The following SDK2 variants were observed in gnomAD, a reference collection of about 807,000 sequenced individuals.
The protein encoded by SDK2 is protein sidekick-2.
Under a neutral mutation model 253.9 loss-of-function variants are expected in SDK2, and 105 were observed. That is an observed-to-expected ratio of 0.41 (90% CI 0.35 to 0.49). The LOEUF is 0.49. SDK2 is among the 20% of genes least tolerant of loss of function. The probability of loss-of-function intolerance (pLI) is 0.06; values close to 1 mark genes in which losing one functional copy is unlikely to be tolerated. For missense variants in SDK2, 2,608 were observed against 3,003.0 expected (o/e 0.87, Z 3.07); for synonymous variants, 1,249 against 1,234.9 (o/e 1.01, Z -0.24).
At chr17:73,466,726 C>CA (rs1181201949) in intron 3 of SDK2, among the ~76,000 whole-genome samples, 1 of 143,512 alleles carries the variant, frequency 7.0e-6, no homozygotes, top group Non-Finnish European at 1.5e-5. Context: ...CCCCCCCCCC[C>CA]CGGCTTAGGC....
At chr17:73,537,648 CGTGCCCAGCCTGGGAT>C (rs2044800077) in intron 1 of SDK2, among the ~76,000 whole-genome samples, 2 of 151,854 alleles carry the variant, frequency 1.3e-5, no homozygotes, top group African/African-American at 4.8e-5. Flanking sequence ...TGGGTGGGGA[CGTGCCCAGCCTGGGAT>C]GTAGGAGGAG....
intron 1 of SDK2, among the ~76,000 whole-genome samples, chr17:73,556,004 G>A (rs2045138281): frequency 6.6e-6 from 1 of 152,150 alleles, no homozygotes; most frequent in Non-Finnish European, 1.5e-5. Context: ...AGCTTCTGGG[G>A]TTTCCAGGGA....
rs1178688821 is a variant in SDK2, at chr17:73,496,297, G to A, written c.224+11141C>T. Among the ~76,000 whole-genome samples the A allele has an allele frequency of 2.6e-5, 4 of 152,188 alleles. No homozygotes were observed. The highest frequency in any genetic ancestry group is 7.2e-5 in the African/African-American group (3 of 41,440). ...TTCCCATTTCCCAGACTAGGCAACC[G>A]AGGCAGGGATTAGGCAGTTTGCTCA... On this transcript the variant is annotated intron_variant, in intron 2 of 44. Transcript: ENST00000392650. This position sits in a 1 kb window ranked among gnomAD's most constrained non-coding sequence, Gnocchi z 4.7.
chr17:73,539,328 G>A (rs2044828347), intron 1 of SDK2, among the ~76,000 whole-genome samples: 1 of 152,216 alleles, frequency 6.6e-6, no homozygotes, highest in Admixed American at 6.5e-5. Context: ...TCAAAGGGAA[G>A]TGAAGTCTGT....
intron 12 of SDK2, among the ~76,000 whole-genome samples, chr17:73,427,382 C>T (rs980605365): frequency 2.0e-5 from 3 of 152,168 alleles, no homozygotes; most frequent in Admixed American, 1.3e-4. Flanking sequence ...AGAACACAGA[C>T]ATGCCCATCT....
Position 73,350,748 on chromosome 17 carries a change from A to G in SDK2, c.5801T>C (p.Val1934Ala). ...NPFYEEWWFL[V>A]VIALVGLIFI... ...GATGAGGCCGACCAGGGCAATGACC[A>G]CCAAGAACCACCACTCCTCATAGAA... Residue 1934 changes from valine to alanine, a missense_variant, in exon 42 of 45, where the codon GTG becomes GCG. By Grantham distance (64) the Val-to-Ala change is moderately conservative. This residue lies in a region of SDK2 where 1,103 missense variants were observed against 1,143.9 expected (regional missense o/e 0.96). Coordinates refer to ENST00000392650, the MANE Select transcript of SDK2 (RefSeq NM_001144952.2). 6.2e-7 allele frequency: 1 copy of G among 1,613,386 alleles called. No individual in the cohort carries two copies. The highest frequency in any genetic ancestry group is 1.1e-5 in the South Asian group (1 of 91,052).
At chr17:73,482,075 G>T (rs143538845) in intron 2 of SDK2, among the ~76,000 whole-genome samples, 201 of 152,280 alleles carry the variant, frequency 1.3e-3, no homozygotes, top group African/African-American at 4.3e-3. Flanking sequence ...AGGAGTTCAA[G>T]ACCAGCCTGG....
rs1296900683 is a variant in SDK2, at chr17:73,419,276, G to A, written c.2076C>T (p.Ala692=). ...RVSLPEEPPT[A]PPQNVIASGR... ...CGCTGGCGATGACGTTCTGTGGAGGGGCCGTGGGGGGCTCCTCGGGGAGGG... is the reference window on the plus strand; with the variant it reads ...CGCTGGCGATGACGTTCTGTGGAGGAGCCGTGGGGGGCTCCTCGGGGAGGG... Residue 692 remains alanine (A), a synonymous_variant, in exon 16 of 45, where the codon GCC becomes GCT. Coordinates refer to ENST00000392650, the MANE Select transcript of SDK2 (RefSeq NM_001144952.2). 3 of 1,612,836 alleles carry A rather than the reference G, an allele frequency of 1.9e-6. No individual in the cohort carries two copies. The highest frequency in any genetic ancestry group is 1.1e-5 in the South Asian group (1 of 90,756).
chr17:73,340,734 G>GTTTTTTTTTTTTTTTTTTTTTT (rs10638504), intron 44 of SDK2, among the ~76,000 whole-genome samples: 1 of 77,550 alleles, frequency 1.3e-5, no homozygotes, highest in Admixed American at 2.1e-4. Context: ...AAACCTTAAA[G>GTTTTTTTTTTTTTTTTTTTTTT]TTTTTTTTTT....
intron 27 of SDK2, among the ~76,000 whole-genome samples, 165 bp downstream of exon 27, chr17:73,393,395 C>T (rs147992102): frequency 7.2e-5 from 11 of 152,288 alleles, no homozygotes; most frequent in African/African-American, 2.6e-4. Flanking sequence ...ATTAGCATCC[C>T]CTGCAGTGGG....
chr17:73,602,034 G>A (rs112454574), intron 1 of SDK2, among the ~76,000 whole-genome samples: 2,181 of 152,322 alleles, frequency 0.014, 46 homozygotes, highest in African/African-American at 0.049. Flanking sequence ...GTGAGCCGCC[G>A]CGCCCAGCCC....
intron 4 of SDK2, among the ~76,000 whole-genome samples, chr17:73,451,116 CGATCCTCATG>C (rs2063487296): frequency 6.6e-6 from 1 of 152,222 alleles, no homozygotes; most frequent in Non-Finnish European, 1.5e-5. Context: ...GCCTCCTGCG[CGATCCTCATG>C]TCTGCCCCCT....
At chr17:73,476,736 A>G (rs977967955) in intron 2 of SDK2, among the ~76,000 whole-genome samples, 2 of 152,146 alleles carry the variant, frequency 1.3e-5, no homozygotes, top group Admixed American at 1.3e-4. Flanking sequence ...TCCTGCCTCA[A>G]CCTTCCAAGT....
At chr17:73,373,441 G>A (rs1278922350) in intron 36 of SDK2, among the ~76,000 whole-genome samples, 1 of 152,136 alleles carries the variant, frequency 6.6e-6, no homozygotes, top group East Asian at 1.9e-4. Flanking sequence ...CTTCCATACC[G>A]TTATCCATAA....
intron 32 of SDK2, among the ~76,000 whole-genome samples, chr17:73,384,942 C>T (rs1022905251): frequency 3.3e-5 from 5 of 152,252 alleles, no homozygotes; most frequent in Non-Finnish European, 7.3e-5. Context: ...TGCCACGTTG[C>T]TCCAGCCTCG....
chr17:73,508,989 A>G (rs1011124623), intron 1 of SDK2, among the ~76,000 whole-genome samples: 6 of 152,208 alleles, frequency 3.9e-5, no homozygotes, highest in Non-Finnish European at 7.3e-5. Flanking sequence ...GGAGGAGTCC[A>G]GGCTTGCCAG....
intron 1 of SDK2, among the ~76,000 whole-genome samples, chr17:73,545,414 C>T (rs767993087): frequency 6.6e-6 from 1 of 152,228 alleles, no homozygotes; most frequent in East Asian, 1.9e-4. Flanking sequence ...TAAATGAATG[C>T]ACACACACAC....
In SDK2 at chr17:73,401,741, CG is replaced by C; in HGVS notation, c.2691del (p.Val898TrpfsTer4). ...LVRTHEDVPG[P>X]VGHLSFSEIL... is the part of the protein sequence containing the mutation. ...ATCTCACTGAAGCTCAGGTGTCCCA[CG>C]GGCCCAGGCACTGCACCCCAAAAGG... On this transcript the variant is annotated frameshift_variant, in exon 20 of 45. Coordinates refer to ENST00000392650, the MANE Select transcript of SDK2 (RefSeq NM_001144952.2). LOFTEE classifies it high-confidence loss of function. 6.3e-7 allele frequency: 1 copy of C among 1,577,584 alleles called. No individual in the cohort carries two copies. The highest frequency in any genetic ancestry group is 1.2e-5 in the South Asian group (1 of 86,166).
chr17:73,337,869 T>A lies in SDK2; in HGVS notation c.*718A>T, dbSNP rs76182784. On this transcript the variant is annotated 3_prime_UTR_variant, in exon 45 of 45. Coordinates refer to ENST00000392650, the MANE Select transcript of SDK2 (RefSeq NM_001144952.2). ...CTTGGGCTCTCTTCCTTGGATTCAATATTTTAAAAAATATGCAGGAACAAG... is the reference window on the plus strand; with the variant it reads ...CTTGGGCTCTCTTCCTTGGATTCAAAATTTTAAAAAATATGCAGGAACAAG... The A allele has an allele frequency of 0.15, 22,761 of 152,400 alleles. 1,912 individuals are homozygous for A. Among genetic ancestry groups the A allele is most frequent in the South Asian group, 0.23 (1,108 of 4,830 alleles). The allele number at this position is 152,400 out of a possible 1,614,324, so 9.4% of individuals were successfully genotyped here.
Sources: gnomAD v4.1 joint callset for allele counts (sites outside exome capture counted in the v4.1 genomes callset) on GRCh38, gnomAD v4.1.1 for gene constraint, gnomAD v4.1.1 regional missense constraint, Gnocchi (gnomAD v3.1) non-coding constraint, MANE v1.5 for transcripts, NCBI Gene and HGNC (gene_info 2026-07-23, HGNC 2026-07-21) for gene names.